Variants in PHF24 observed in about 807,000 individuals in gnomAD.
PHF24 encodes PHD finger protein 24, also known as Galpha inhibitory interacting protein.
A neutral mutation model predicts 42.6 loss-of-function variants in PHF24; 25 were observed. That is an observed-to-expected ratio of 0.59 (90% CI 0.43 to 0.82). The LOEUF (loss-of-function observed/expected upper bound fraction) is 0.82, where lower values mean the gene tolerates loss of function less well. Among genes scored for constraint, PHF24 ranks in the 40% least tolerant of loss-of-function variants. PHF24 has a pLI of 0.00. For missense variants in PHF24, 470 were observed against 538.1 expected (o/e 0.87, Z 1.25); for synonymous variants, 185 against 204.8 (o/e 0.90, Z 0.83).
chr9:34,666,344 C>G, the PHF24 span, among the ~76,000 whole-genome samples: 2 of 152,138 alleles, frequency 1.3e-5, no homozygotes, highest in Non-Finnish European at 2.9e-5. Flanking sequence ...CTCTACCCCT[C>G]CCTGGGCTTC....
chr9:34,907,696 A>C, the PHF24 span, among the ~76,000 whole-genome samples: 1 of 151,954 alleles, frequency 6.6e-6, no homozygotes, highest in South Asian at 2.1e-4. Flanking sequence ...ATCTCTTTTC[A>C]TTGGTCCAGT....
the PHF24 span, among the ~76,000 whole-genome samples, chr9:34,716,798 G>A: frequency 6.6e-6 from 1 of 151,990 alleles, no homozygotes; most frequent in Non-Finnish European, 1.5e-5. Flanking sequence ...TGTAGAAAGG[G>A]GGTTTCACCA....
the PHF24 span, among the ~76,000 whole-genome samples, chr9:34,672,638 C>T: frequency 1.3e-4 from 20 of 152,030 alleles, no homozygotes; most frequent in South Asian, 2.1e-4. Flanking sequence ...TGTCCTAGCC[C>T]GTGTCTTTTC....
chr9:34,823,590 C>T, the PHF24 span, among the ~76,000 whole-genome samples: 5 of 152,024 alleles, frequency 3.3e-5, no homozygotes, highest in African/African-American at 7.2e-5. Flanking sequence ...ATCCTGGAGA[C>T]GTTGGGGCCT....
At chr9:34,680,628 CA>C in the PHF24 span, among the ~76,000 whole-genome samples, 6 of 146,020 alleles carry the variant, frequency 4.1e-5, no homozygotes, top group South Asian at 1.3e-3. Flanking sequence ...GCGGAGCTTG[CA>C]GTGAGCCGAG....
the PHF24 span, among the ~76,000 whole-genome samples, chr9:34,876,519 AAT>A: frequency 1.3e-5 from 2 of 152,196 alleles, no homozygotes; most frequent in African/African-American, 4.8e-5. Context: ...AAAAATGGGC[AAT>A]GTGTTCAAAT....
exon 5 of PHF24, chr9:34,976,635 G>A (rs756785232): frequency 1.1e-5 from 18 of 1,614,028 alleles, no homozygotes; most frequent in African/African-American, 2.7e-5. Context: ...AAGAGCAGGC[G>A]GCCCGCCAGT....
chr9:34,867,227 T>C, the PHF24 span, among the ~76,000 whole-genome samples: 1 of 152,190 alleles, frequency 6.6e-6, no homozygotes, highest in Non-Finnish European at 1.5e-5. Context: ...TTCAGCAAAA[T>C]GGAGAGGCAC....
chr9:34,834,735 C>G, the PHF24 span: 19 of 1,540,194 alleles, frequency 1.2e-5, no homozygotes, highest in Non-Finnish European at 1.7e-5. Flanking sequence ...AGGTGCCACT[C>G]CAAGGCTTCA....
chr9:34,923,636 A>C, the PHF24 span, among the ~76,000 whole-genome samples: 2 of 152,118 alleles, frequency 1.3e-5, no homozygotes, highest in Non-Finnish European at 2.9e-5. Context: ...GTAGTCTGTA[A>C]TGATCCTCAG....
At chr9:34,940,776 G>T in the PHF24 span, among the ~76,000 whole-genome samples, 14 of 152,164 alleles carry the variant, frequency 9.2e-5, no homozygotes, top group African/African-American at 3.4e-4. Flanking sequence ...ATACCAGGAG[G>T]TGTCCAACTG....
At chr9:34,835,678 A>C in the PHF24 span, 3 of 1,550,646 alleles carry the variant, frequency 1.9e-6, no homozygotes, top group African/African-American at 4.1e-5. Context: ...TGGCACTTGA[A>C]ATTCCGGCCC....
chr9:34,709,801 A>G, the PHF24 span: 1 of 1,614,108 alleles, frequency 6.2e-7, no homozygotes, highest in Non-Finnish European at 8.5e-7. Flanking sequence ...GGAGCAGCCT[A>G]AGCTTGGTTC....
the PHF24 span, among the ~76,000 whole-genome samples, chr9:34,893,991 T>A: frequency 6.6e-6 from 1 of 152,148 alleles, no homozygotes; most frequent in Non-Finnish European, 1.5e-5. Context: ...GAGGATAAGA[T>A]GATAGGCTGC....
At chr9:34,955,382 T>C (rs1826348400), upstream of PHF24, among the ~76,000 whole-genome samples, 2 of 144,374 alleles carry the variant, frequency 1.4e-5, no homozygotes, top group Non-Finnish European at 3.0e-5. Flanking sequence ...TTAAGAGTGG[T>C]TGGTACAGGC....
chr9:34,872,453 G>T, the PHF24 span, among the ~76,000 whole-genome samples: 1 of 148,418 alleles, frequency 6.7e-6, no homozygotes. Flanking sequence ...GAGAATATGC[G>T]GTGTCTGGTT....
At chr9:34,768,131 C>T in the PHF24 span, among the ~76,000 whole-genome samples, 21 of 152,174 alleles carry the variant, frequency 1.4e-4, no homozygotes, top group Admixed American at 1.1e-3. Flanking sequence ...TACATTATTT[C>T]ACTGGACATG....
At chr9:34,859,695 G>A in the PHF24 span, among the ~76,000 whole-genome samples, 1 of 152,102 alleles carries the variant, frequency 6.6e-6, no homozygotes, top group Admixed American at 6.5e-5. Flanking sequence ...ATTTTTTCAA[G>A]TAATCCTTAT....
chr9:34,974,859 T>C (rs557522678), intron 3 of PHF24, among the ~76,000 whole-genome samples: 8 of 152,270 alleles, frequency 5.3e-5, no homozygotes, highest in Non-Finnish European at 1.2e-4. Flanking sequence ...CTGTGAATAG[T>C]AATACCATGC....
Sources: gnomAD v4.1 joint callset for allele counts (sites outside exome capture counted in the v4.1 genomes callset) on GRCh38, gnomAD v4.1.1 for gene constraint, MANE v1.5 for transcripts, NCBI Gene and HGNC (gene_info 2026-07-23, HGNC 2026-07-21) for gene names.